SEMA5A: variants seen among roughly 807,000 people sequenced by gnomAD.
SEMA5A encodes the protein semaphorin 5A, also known as semaphorin-5A.
A neutral mutation model predicts 135.5 loss-of-function variants in SEMA5A; 55 were observed. The ratio of observed to expected loss-of-function variants is 0.41; its 90% CI spans 0.33 to 0.51. The LOEUF (loss-of-function observed/expected upper bound fraction) is 0.51, where lower values mean the gene tolerates loss of function less well. Among genes scored for constraint, SEMA5A ranks in the 20% least tolerant of loss-of-function variants. The probability of loss-of-function intolerance (pLI) is 0.37; values close to 1 mark genes in which losing one functional copy is unlikely to be tolerated. For missense variants in SEMA5A, 1,290 were observed against 1,419.9 expected, an observed-to-expected ratio of 0.91 and a Z score of 1.47; for synonymous variants, 580 against 546.5, an observed-to-expected ratio of 1.06 and a Z score of -0.85.
chr5:9,277,813 G>C (rs1431180071), intron 5 of SEMA5A, among the ~76,000 whole-genome samples: 2 of 151,932 alleles, frequency 1.3e-5, no homozygotes, highest in South Asian at 2.1e-4. Context: ...TGTCAGGGGG[G>C]TGCGGGGCTA....
intron 16 of SEMA5A, among the ~76,000 whole-genome samples, chr5:9,081,402 A>G (rs1738376576): frequency 6.6e-6 from 1 of 152,132 alleles, no homozygotes; most frequent in Non-Finnish European, 1.5e-5. Context: ...ACCCTAATAT[A>G]CATTTATGTA....
chr5:9,394,232 C>T (rs750577168), intron 2 of SEMA5A, among the ~76,000 whole-genome samples: 10 of 152,122 alleles, frequency 6.6e-5, no homozygotes, highest in Non-Finnish European at 1.3e-4. Context: ...CACTTCCACC[C>T]TTCTGCCTGG....
chr5:9,245,247 C>T (rs180992463), intron 5 of SEMA5A, among the ~76,000 whole-genome samples: 3 of 152,160 alleles, frequency 2.0e-5, no homozygotes, highest in African/African-American at 4.8e-5. Flanking sequence ...GTCTATGTTC[C>T]CTGCCTATTA....
intron 1 of SEMA5A, among the ~76,000 whole-genome samples, chr5:9,472,227 C>T (rs1190368856): frequency 6.6e-6 from 1 of 152,224 alleles, no homozygotes; most frequent in Non-Finnish European, 1.5e-5. Flanking sequence ...CACCTCTTCT[C>T]TAAAACTTGG....
chr5:9,385,701 G>T (rs40725), intron 2 of SEMA5A, among the ~76,000 whole-genome samples: 1 of 151,768 alleles, frequency 6.6e-6, no homozygotes, highest in Non-Finnish European at 1.5e-5. Flanking sequence ...AGCGATTGCT[G>T]CATGTGTGTC....
At chr5:9,470,016 C>G (rs1759418026) in intron 1 of SEMA5A, among the ~76,000 whole-genome samples, 1 of 152,156 alleles carries the variant, frequency 6.6e-6, no homozygotes, top group South Asian at 2.1e-4. Flanking sequence ...TTAAAAGAGA[C>G]AGTACATGCA....
At chr5:9,088,136 G>A (rs1417760405) in intron 16 of SEMA5A, among the ~76,000 whole-genome samples, 16 of 151,858 alleles carry the variant, frequency 1.1e-4, no homozygotes, top group South Asian at 2.1e-4. Context: ...GTGAAACCCC[G>A]TCTGCACTAA....
At position 9,042,672 on chromosome 5, in the gene SEMA5A, C is replaced by A. The variant is rs1736024949; in HGVS notation, c.*225G>T. 1 of 504,416 alleles carries A rather than the reference C, an allele frequency of 2.0e-6. No individual in the cohort carries two copies. The highest frequency in any genetic ancestry group is 3.5e-6 in the Non-Finnish European group (1 of 288,240). 31.2% of individuals were successfully genotyped at this position (504,416 alleles called of 1,614,324 possible). On this transcript the variant is annotated 3_prime_UTR_variant, in exon 23 of 23. Transcript: ENST00000382496. ...AGGATGAACACAATTAAAAACTTCA[C>A]ACCCTGGCTCATTCAACAATGGTCA...
At chr5:9,074,991 C>T (rs1737968833) in intron 16 of SEMA5A, among the ~76,000 whole-genome samples, 2 of 152,218 alleles carry the variant, frequency 1.3e-5, no homozygotes, top group African/African-American at 2.4e-5. Context: ...ATGCCAGTTA[C>T]TCTGAAGACA....
At chr5:9,398,317 G>A (rs1360223727) in intron 2 of SEMA5A, among the ~76,000 whole-genome samples, 3 of 152,160 alleles carry the variant, frequency 2.0e-5, no homozygotes, top group Admixed American at 6.5e-5. Context: ...TTCCTAAATG[G>A]AAGTCGGAGC....
At chr5:9,049,360 T>C (rs1736444302) in intron 21 of SEMA5A, among the ~76,000 whole-genome samples, 1 of 152,116 alleles carries the variant, frequency 6.6e-6, no homozygotes, top group South Asian at 2.1e-4. Flanking sequence ...TGGCATTTCG[T>C]CATGTTGGAA....
intron 5 of SEMA5A, among the ~76,000 whole-genome samples, chr5:9,281,339 A>G (rs547579198): frequency 2.6e-5 from 4 of 152,292 alleles, no homozygotes; most frequent in African/African-American, 9.6e-5. Context: ...ATTTTTGTAT[A>G]TATTTATAAC....
At chr5:9,273,595 G>C (rs1255792049) in intron 5 of SEMA5A, among the ~76,000 whole-genome samples, 1 of 151,750 alleles carries the variant, frequency 6.6e-6, no homozygotes, top group Non-Finnish European at 1.5e-5. Flanking sequence ...AGAGAGAAAG[G>C]TCAGGTTACC....
intron 2 of SEMA5A, among the ~76,000 whole-genome samples, chr5:9,416,823 G>C (rs1256675536): frequency 2.0e-5 from 3 of 152,192 alleles, no homozygotes; most frequent in Admixed American, 2.0e-4. Context: ...ATAGAGGCCA[G>C]TGATGCTGAT....
chr5:9,423,563 T>A (rs1263164324), intron 2 of SEMA5A, among the ~76,000 whole-genome samples: 1 of 152,262 alleles, frequency 6.6e-6, no homozygotes, highest in African/African-American at 2.4e-5. Context: ...TTGTTTTCAC[T>A]AACTGTGAGA....
intron 18 of SEMA5A, 132 bp downstream of exon 18, chr5:9,062,755 A>C (rs2150066133): frequency 1.1e-6 from 1 of 917,038 alleles, no homozygotes; most frequent in East Asian, 2.6e-5. Flanking sequence ...GCAACCACGC[A>C]TAGCCAAGAC....
intron 5 of SEMA5A, among the ~76,000 whole-genome samples, chr5:9,297,405 G>A (rs1008016736): frequency 6.6e-6 from 1 of 152,122 alleles, no homozygotes; most frequent in Non-Finnish European, 1.5e-5. Flanking sequence ...CCTTCTGATT[G>A]AGATTAGTGC....
At chr5:9,088,706 A>G (rs1738867816) in intron 16 of SEMA5A, among the ~76,000 whole-genome samples, 1 of 149,222 alleles carries the variant, frequency 6.7e-6, no homozygotes, top group East Asian at 2.0e-4. Flanking sequence ...TCCAAATAGG[A>G]GTGTGGACAC....
chr5:9,493,062 A>G (rs1407698104), intron 1 of SEMA5A, among the ~76,000 whole-genome samples: 1 of 152,140 alleles, frequency 6.6e-6, no homozygotes, highest in East Asian at 1.9e-4. Flanking sequence ...TGCAACAAAT[A>G]GACCACTCTA....
Sources: allele counts gnomAD v4.1 joint callset (sites outside exome capture counted in the v4.1 genomes callset), GRCh38; gene constraint gnomAD v4.1.1; transcripts MANE v1.5; gene names NCBI Gene and HGNC (gene_info 2026-07-23, HGNC 2026-07-21).